TARS1: variants seen among roughly 807,000 people sequenced by gnomAD.
The protein encoded by TARS1 is threonine--tRNA ligase 1, cytoplasmic.
A neutral mutation model predicts 97.7 loss-of-function variants in TARS1; 57 were observed. The observed-to-expected ratio is 0.58, with a 90% CI of 0.47 to 0.73. The LOEUF is 0.73. Among genes scored for constraint, TARS1 ranks in the 30% least tolerant of loss-of-function variants. The pLI is 0.00. For missense variants in TARS1, 806 were observed against 888.3 expected (o/e 0.91, Z 1.18); for synonymous variants, 312 against 293.7 (o/e 1.06, Z -0.64).
At chr5:33,448,783 TC>T (rs745984140) in intron 3 of TARS1, 52 bp downstream of exon 3, 2 of 1,312,234 alleles carry the variant, frequency 1.5e-6, no homozygotes, top group African/African-American at 3.0e-5. Flanking sequence ...TAACTAAACT[TC>T]CTTTTATTAT....
chr5:33,455,923 G>A (rs1458800425), intron 6 of TARS1, 79 bp from the exon 7 acceptor site: 7 of 1,242,262 alleles, frequency 5.6e-6, no homozygotes, highest in Non-Finnish European at 8.1e-6. Context: ...TATTCATACA[G>A]TGCTACGTTT....
chr5:33,455,451 A>C (rs1202007690), intron 5 of TARS1, 136 bp from the exon 6 acceptor site: 1 of 554,398 alleles, frequency 1.8e-6, no homozygotes, highest in Non-Finnish European at 3.1e-6. Context: ...TTAGAATTCT[A>C]AGATACGATG....
chr5:33,447,049 T>C (rs1741454268), intron 2 of TARS1, among the ~76,000 whole-genome samples: 1 of 152,026 alleles, frequency 6.6e-6, no homozygotes, highest in Admixed American at 6.6e-5. Flanking sequence ...AGTGGGAGAA[T>C]CACTGGAGCC....
At chr5:33,467,472 T>C in intron 18 of TARS1, 88 bp from the exon 19 acceptor site, 1 of 1,495,626 alleles carries the variant, frequency 6.7e-7, no homozygotes, top group Non-Finnish European at 9.0e-7. Flanking sequence ...AGGTTTTGGG[T>C]CCTAGGATCA....
intron 3 of TARS1, among the ~76,000 whole-genome samples, chr5:33,449,445 CTTTTTTT>C (rs57691465): frequency 0.039 from 2,706 of 69,116 alleles, 112 homozygotes; most frequent in African/African-American, 0.15. Flanking sequence ...TTTTTTCTTT[CTTTTTTT>C]TTTTTTTTTT....
chr5:33,449,594 T>TA (rs1398601342), intron 3 of TARS1, among the ~76,000 whole-genome samples: 72 of 151,412 alleles, frequency 4.8e-4, no homozygotes, highest in African/African-American at 1.7e-3. Flanking sequence ...TAGCTGGGAC[T>TA]ACAGGTGCCC....
chr5:33,467,852 T>C lies in TARS1; in HGVS notation c.*144T>C. On this transcript the variant is annotated 3_prime_UTR_variant, in exon 19 of 19. Transcript: ENST00000265112. ...ATAGGTCAACCTGCAGGCGTAACTA[T>C]TTTTGACCTAGTCAGTTTTTAAACA... 1.3e-6 allele frequency: 1 copy of C among 778,462 alleles called. No homozygotes were observed. Among genetic ancestry groups the C allele is most frequent in the Non-Finnish European group, 1.9e-6 (1 of 517,312 alleles). 48.2% of individuals were successfully genotyped at this position (778,462 alleles called of 1,614,324 possible).
At chr5:33,446,582 C>T (rs1741430542) in intron 2 of TARS1, 1 of 801,654 alleles carries the variant, frequency 1.2e-6, no homozygotes, top group African/African-American at 1.8e-5. Context: ...GTGAACTGTC[C>T]AAGACCTTGG....
At chr5:33,451,915 C>G (rs1243271988) in intron 3 of TARS1, among the ~76,000 whole-genome samples, 3 of 152,118 alleles carry the variant, frequency 2.0e-5, no homozygotes, top group East Asian at 3.9e-4. Context: ...ATACATTTCT[C>G]TCTGCCAAAT....
intron 3 of TARS1, among the ~76,000 whole-genome samples, chr5:33,451,672 C>T (rs376987838): frequency 1.3e-4 from 20 of 152,240 alleles, no homozygotes; most frequent in African/African-American, 4.6e-4. Flanking sequence ...TGCGCCTGGC[C>T]GTTTTGTTAC....
At chr5:33,444,516 G>A (rs936643070) in intron 1 of TARS1, among the ~76,000 whole-genome samples, 9 of 152,198 alleles carry the variant, frequency 5.9e-5, no homozygotes, top group African/African-American at 2.2e-4. Context: ...AACTTTCTAT[G>A]ACTTCACTTG....
chr5:33,448,777 T>C, intron 3 of TARS1, 46 bp downstream of exon 3: 1 of 1,367,454 alleles, frequency 7.3e-7, no homozygotes, highest in South Asian at 1.7e-5. Flanking sequence ...GTGGTCTAAC[T>C]AAACTTCCTT....
At chr5:33,446,477 AAG>A in intron 2 of TARS1, 1 of 366,862 alleles carries the variant, frequency 2.7e-6, no homozygotes. Flanking sequence ...AAATAAGACA[AAG>A]AGTATAATTA....
Position 33,457,249 on chromosome 5 carries a change from G to A in TARS1, c.838-8G>A. 2 of 1,609,806 alleles carry A rather than the reference G, an allele frequency of 1.2e-6. No individual in the cohort carries two copies. Among genetic ancestry groups the A allele is most frequent in the South Asian group, 1.1e-5 (1 of 90,092 alleles). On this transcript the variant is annotated splice_polypyrimidine_tract_variant and splice_region_variant and intron_variant, in intron 8 of 18. Coordinates refer to ENST00000265112, the MANE Select transcript of TARS1 (RefSeq NM_152295.5). ...GAATGTTGTTTCATGGTTAATCCTT[G>A]TTTTCAGAATTCCTCCACGTACTGG...
chr5:33,443,723 C>T (rs1436663699), intron 1 of TARS1, among the ~76,000 whole-genome samples: 1 of 152,070 alleles, frequency 6.6e-6, no homozygotes, highest in African/African-American at 2.4e-5. Flanking sequence ...TCTCGATCTC[C>T]TGACCTCGTG....
rs1741988717 is a variant in TARS1, at chr5:33,455,848, T to C, written c.693+144T>C. ...TTAAGTGTTTTTATTATTTTTTTAA[T>C]TTCATTTTTTTCCTAGCAAACCATT... is the stretch of plus-strand genomic sequence containing the variant. On this transcript the variant is annotated intron_variant, in intron 6 of 18. Coordinates refer to ENST00000265112, the MANE Select transcript of TARS1 (RefSeq NM_152295.5). 1.1e-5 allele frequency: 11 copies of C among 980,650 alleles called. No homozygotes were observed. In the South Asian group the frequency reaches 1.7e-4, roughly 16 times the overall value. 60.7% of individuals were successfully genotyped at this position (980,650 alleles called of 1,614,324 possible).
chr5:33,451,928 A>C (rs1741760184), intron 3 of TARS1, among the ~76,000 whole-genome samples: 1 of 152,160 alleles, frequency 6.6e-6, no homozygotes, highest in South Asian at 2.1e-4. Flanking sequence ...TGCCAAATTC[A>C]TGTTATGTTT....
intron 11 of TARS1, among the ~76,000 whole-genome samples, chr5:33,460,358 G>A (rs1742233054): frequency 6.6e-6 from 1 of 152,202 alleles, no homozygotes; most frequent in African/African-American, 2.4e-5. Flanking sequence ...GATGAAATAT[G>A]GGGGTGTAAC....
intron 2 of TARS1, among the ~76,000 whole-genome samples, chr5:33,448,009 G>T (rs1383483470): frequency 6.6e-6 from 1 of 152,178 alleles, no homozygotes; most frequent in Admixed American, 6.5e-5. Flanking sequence ...AAGTAGTAGT[G>T]TGTTGTTTTA....
Sources: allele counts gnomAD v4.1 joint callset (sites outside exome capture counted in the v4.1 genomes callset), GRCh38; gene constraint gnomAD v4.1.1; transcripts MANE v1.5; gene names NCBI Gene and HGNC (gene_info 2026-07-23, HGNC 2026-07-21).